GLS: variants seen among roughly 807,000 people sequenced by gnomAD.
GLS encodes the protein glutaminase, also known as glutaminase kidney isoform, mitochondrial.
A neutral mutation model predicts 86.7 loss-of-function variants in GLS; 36 were observed. The ratio of observed to expected loss-of-function variants is 0.42; its 90% CI spans 0.32 to 0.55. GLS has a LOEUF of 0.55. Ranked by LOEUF, GLS falls within the 20% of genes least tolerant of loss-of-function variation. GLS has a pLI of 0.17. For missense variants in GLS, 528 were observed against 833.4 expected, an observed-to-expected ratio of 0.63 and a Z score of 4.51; for synonymous variants, 317 against 305.9, an observed-to-expected ratio of 1.04 and a Z score of -0.38.
intron 14 of GLS, among the ~76,000 whole-genome samples, chr2:190,941,623 G>T (rs756368720): frequency 3.4e-4 from 52 of 152,292 alleles, no homozygotes; most frequent in Admixed American, 1.5e-3. Context: ...AGGTAATACA[G>T]TGTGTAAGTT....
rs1489454660 is a variant in GLS, at chr2:190,931,649, T to A, written c.1650+12T>A. The A allele has an allele frequency of 7.8e-7, 1 of 1,289,094 alleles. No individual in the cohort carries two copies. The allele number at this position is 1,289,094 out of a possible 1,614,324, so 79.9% of individuals were successfully genotyped here. On this transcript the variant is annotated intron_variant, in intron 14 of 17. Coordinates refer to ENST00000320717, the MANE Select transcript of GLS (RefSeq NM_014905.5). ...GTGGTGATCAAAGGGTAAGCAAAAT[T>A]CTTATTTAGATAAGTATATAAAATT... is the stretch of plus-strand genomic sequence containing the variant.
chr2:190,937,187 G>T (rs189222615), intron 14 of GLS, among the ~76,000 whole-genome samples: 3 of 151,380 alleles, frequency 2.0e-5, no homozygotes, highest in African/African-American at 7.2e-5. Context: ...GTATATCCAA[G>T]TTCAACTATT....
intron 17 of GLS, among the ~76,000 whole-genome samples, chr2:190,961,591 CAGAT>C (rs1319785335): frequency 1.3e-5 from 2 of 151,696 alleles, no homozygotes; most frequent in African/African-American, 4.8e-5. Flanking sequence ...TCCAGAAAGA[CAGAT>C]AATTACATAC....
intron 14 of GLS, among the ~76,000 whole-genome samples, chr2:190,944,075 C>G (rs932515643): frequency 9.2e-5 from 14 of 152,072 alleles, no homozygotes; most frequent in Non-Finnish European, 1.9e-4. Context: ...ATGCTAAAAC[C>G]GTGTTGTTTC....
chr2:190,956,387 G>C lies in GLS; in HGVS notation c.1853+1569G>C, dbSNP rs1054984090. 5.3e-5 allele frequency among the ~76,000 whole-genome samples: 8 copies of C among 152,066 alleles called. No homozygotes were observed. Among genetic ancestry groups the C allele is most frequent in the Admixed American group, 1.3e-4 (2 of 15,268 alleles). On this transcript the variant is annotated intron_variant, in intron 17 of 17. Transcript: ENST00000320717. The surrounding 1 kb of genome is among the most constrained non-coding windows in gnomAD (Gnocchi z 4.2). ...CTTTCCCCATTGCTTGTTTTTGTCA[G>C]GTTTGTCAAAGATCAGATGGTTGTA...
rs931715325 is a variant in GLS at position 190,951,002 on chromosome 2, T to C, written c.1651-2563T>C. On this transcript the variant is annotated intron_variant, in intron 14 of 17. Coordinates refer to ENST00000320717, the MANE Select transcript of GLS (RefSeq NM_014905.5). This position sits in a 1 kb window ranked among gnomAD's most constrained non-coding sequence, Gnocchi z 4.2. Reference sequence around the variant, plus strand: ...GCTGTTTTTGAGTTTGAAGTGACTATCAAGTGGAGCTGTAGGACTGGAGCT... The same window carrying C: ...GCTGTTTTTGAGTTTGAAGTGACTACCAAGTGGAGCTGTAGGACTGGAGCT... Among the ~76,000 whole-genome samples the C allele has an allele frequency of 6.6e-6, 1 of 152,112 alleles. No individual in the cohort carries two copies. Among genetic ancestry groups the C allele is most frequent in the Non-Finnish European group, 1.5e-5 (1 of 68,028 alleles).
Position 190,881,274 on chromosome 2 carries a change from C to G in GLS, c.190C>G (p.Pro64Ala). ...LHPWWGGGGW[P>A]AEPLARGLSS... Reference sequence around the variant, plus strand: ...CCCGTGGTGGGGCGGGGGCGGCTGGCCGGCGGAGCCCCTCGCGCGGGGCCT... The same window carrying G: ...CCCGTGGTGGGGCGGGGGCGGCTGGGCGGCGGAGCCCCTCGCGCGGGGCCT... Residue 64 changes from proline to alanine, a missense_variant, in exon 1 of 18, where the codon CCG becomes GCG. Around this residue, in one of 4 missense-constraint regions of GLS, gnomAD observed 224 missense variants for 187.9 expected, o/e 1.19. Transcript: ENST00000320717. The G allele has an allele frequency of 7.7e-7, 1 of 1,305,806 alleles. No individual in the cohort carries two copies. Among genetic ancestry groups the G allele is most frequent in the Non-Finnish European group, 9.8e-7 (1 of 1,025,434 alleles). 80.9% of individuals were successfully genotyped at this position (1,305,806 alleles called of 1,614,324 possible).
intron 6 of GLS, 50 bp from the exon 7 acceptor site, chr2:190,910,213 C>G: frequency 9.5e-7 from 1 of 1,051,862 alleles, no homozygotes; most frequent in Non-Finnish European, 1.4e-6. Context: ...AGTAATATTA[C>G]TCAAGTGTTT....
At chr2:190,937,779 CA>C (rs1272795926) in intron 14 of GLS, among the ~76,000 whole-genome samples, 2 of 149,858 alleles carry the variant, frequency 1.3e-5, no homozygotes, top group East Asian at 3.9e-4. Flanking sequence ...AACCCTTAAC[CA>C]AAATGAATAG....
rs1470284233 is a variant in GLS at position 190,949,133 on chromosome 2, A to G, written c.1651-4432A>G. 1.3e-5 allele frequency among the ~76,000 whole-genome samples: 2 copies of G among 152,170 alleles called. No individual in the cohort carries two copies. The highest frequency in any genetic ancestry group is 2.9e-5 in the Non-Finnish European group (2 of 68,034). ...GACAAAAACAAGGGCAGTAAGACCA[A>G]TTTTGCTCTATTGAGGTTGAGAAGA... On this transcript the variant is annotated intron_variant, in intron 14 of 17. Coordinates refer to ENST00000320717, the MANE Select transcript of GLS (RefSeq NM_014905.5). The surrounding 1 kb of genome is among the most constrained non-coding windows in gnomAD (Gnocchi z 4.0).
chr2:190,919,151 T>C (rs542638387), intron 7 of GLS, among the ~76,000 whole-genome samples: 2 of 152,276 alleles, frequency 1.3e-5, no homozygotes, highest in East Asian at 1.9e-4. Flanking sequence ...TGAAACACAA[T>C]GAAGTGAAGC....
Position 190,930,670 on chromosome 2 carries a change from C to T in GLS, c.1557+102C>T, listed in dbSNP as rs1298635403. 24 of 1,073,468 alleles carry T rather than the reference C, an allele frequency of 2.2e-5. No homozygotes were observed. The highest frequency in any genetic ancestry group is 4.7e-5 in the Admixed American group (2 of 42,384). The allele number at this position is 1,073,468 out of a possible 1,614,324, so 66.5% of individuals were successfully genotyped here. The stretch of plus-strand genomic sequence containing the variant: ...CCATAGTTCATTAACTCTTGGCCCT[C>T]CGCCTATAGTGTGCCAGTTACTAGG... On this transcript the variant is annotated intron_variant, in intron 13 of 17. Coordinates refer to ENST00000320717, the MANE Select transcript of GLS (RefSeq NM_014905.5). This position sits in a 1 kb window ranked among gnomAD's most constrained non-coding sequence, Gnocchi z 5.0.
chr2:190,884,437 ACT>A (rs1245086148), intron 1 of GLS, among the ~76,000 whole-genome samples: 1 of 152,174 alleles, frequency 6.6e-6, no homozygotes, highest in African/African-American at 2.4e-5. Context: ...TGAAAATAGC[ACT>A]CTCTTCCAGA....
In GLS at chr2:190,954,534, A is replaced by C. The variant is rs911602618; in HGVS notation, c.1713-50A>C. The C allele has an allele frequency of 8.3e-7, 1 of 1,208,394 alleles. No individual in the cohort carries two copies. The allele number at this position is 1,208,394 out of a possible 1,614,324, so 74.9% of individuals were successfully genotyped here. A position where few individuals can be genotyped will look rare whatever the true frequency, so the allele number is the denominator to read the frequency against. Reference sequence around the variant, plus strand: ...TGATGGAGTGAATGTTACCAGTGTGAATTAAATTTGCTTTATATATAATAA... The same window carrying C: ...TGATGGAGTGAATGTTACCAGTGTGCATTAAATTTGCTTTATATATAATAA... On this transcript the variant is annotated intron_variant, in intron 15 of 17. Coordinates refer to ENST00000320717, the MANE Select transcript of GLS (RefSeq NM_014905.5). The surrounding 1 kb of genome is among the most constrained non-coding windows in gnomAD (Gnocchi z 4.0).
At position 190,955,346 on chromosome 2, in the gene GLS, T is replaced by C. The variant is rs1276646287; in HGVS notation, c.1853+528T>C. Among the ~76,000 whole-genome samples, 1 of 152,194 alleles carries C rather than the reference T, an allele frequency of 6.6e-6. No homozygotes were observed. The highest frequency in any genetic ancestry group is 2.4e-5 in the African/African-American group (1 of 41,446). ...CCCTGTGTCCATGTGTTCTCACTGT[T>C]CCACTCCCACTTACGAGGGAGAACA... On this transcript the variant is annotated intron_variant, in intron 17 of 17. Transcript: ENST00000320717. This position sits in a 1 kb window ranked among gnomAD's most constrained non-coding sequence, Gnocchi z 5.6.
At position 190,881,135 on chromosome 2, in the gene GLS, G is replaced by C; in HGVS notation, c.51G>C (p.Ser17=). 6.4e-7 allele frequency: 1 copy of C among 1,555,606 alleles called. No homozygotes were observed. Among genetic ancestry groups the C allele is most frequent in the Non-Finnish European group, 8.6e-7 (1 of 1,159,540 alleles). Residue 17 remains serine (S), a synonymous_variant, in exon 1 of 18, where the codon TCG becomes TCC. Coordinates refer to ENST00000320717, the MANE Select transcript of GLS (RefSeq NM_014905.5). The part of the protein sequence containing the change: ...SGMLRDLLLR[S]PAGVSATLRR... ...TGCTGCGGGACCTGCTCCTGCGGTCGCCCGCCGGCGTGAGCGCGACTCTGC... is the reference window on the plus strand; with the variant it reads ...TGCTGCGGGACCTGCTCCTGCGGTCCCCCGCCGGCGTGAGCGCGACTCTGC...
chr2:190,953,155 T>C lies in GLS; in HGVS notation c.1651-410T>C, dbSNP rs1690763108. ...TGAGGATAGTGATTCTTGGCAGGGATTAGACATTTATATAGCATGATTTAA... is the reference window on the plus strand; with the variant it reads ...TGAGGATAGTGATTCTTGGCAGGGACTAGACATTTATATAGCATGATTTAA... On this transcript the variant is annotated intron_variant, in intron 14 of 17. Transcript: ENST00000320717. The surrounding 1 kb of genome is among the most constrained non-coding windows in gnomAD (Gnocchi z 4.0). 6.6e-6 allele frequency among the ~76,000 whole-genome samples: 1 copy of C among 152,198 alleles called. No homozygotes were observed. Among genetic ancestry groups the C allele is most frequent in the Non-Finnish European group, 1.5e-5 (1 of 68,026 alleles).
chr2:190,908,098 G>C (rs143412963), intron 6 of GLS, among the ~76,000 whole-genome samples: 1 of 152,060 alleles, frequency 6.6e-6, no homozygotes, highest in East Asian at 1.9e-4. Flanking sequence ...CACATTCTTC[G>C]TAACCATATA....
chr2:190,912,657 A>G (rs1314999999), intron 7 of GLS, among the ~76,000 whole-genome samples: 4 of 152,146 alleles, frequency 2.6e-5, no homozygotes, highest in Non-Finnish European at 4.4e-5. Flanking sequence ...TTGTAACAGC[A>G]GTAGAATTGG....
Sources: gnomAD v4.1 joint callset for allele counts (sites outside exome capture counted in the v4.1 genomes callset) on GRCh38, gnomAD v4.1.1 for gene constraint, gnomAD v4.1.1 regional missense constraint, Gnocchi (gnomAD v3.1) non-coding constraint, MANE v1.5 for transcripts, NCBI Gene and HGNC (gene_info 2026-07-23, HGNC 2026-07-21) for gene names.